GABRG3: variants seen among roughly 807,000 people sequenced by gnomAD.
GABRG3 encodes the protein gamma-aminobutyric acid type A receptor subunit gamma3.
A neutral mutation model predicts 48.8 loss-of-function variants in GABRG3; 25 were observed. That is an observed-to-expected ratio of 0.51 (90% CI 0.37 to 0.72). The LOEUF is 0.72. GABRG3 is among the 30% of genes least tolerant of loss of function. The probability of loss-of-function intolerance (pLI) is 0.00; values close to 1 mark genes in which losing one functional copy is unlikely to be tolerated. For synonymous variants in GABRG3, 227 were observed against 217.6 expected, an observed-to-expected ratio of 1.04 and a Z score of -0.38; for missense variants, 394 against 577.9, an observed-to-expected ratio of 0.68 and a Z score of 3.26.
intron 3 of GABRG3, among the ~76,000 whole-genome samples, chr15:27,234,363 G>C (rs1158486429): frequency 1.3e-5 from 2 of 152,146 alleles, no homozygotes; most frequent in Non-Finnish European, 2.9e-5. Context: ...CTGTGTGTTT[G>C]ACTGGTGATC....
At position 27,389,482 on chromosome 15, in the gene GABRG3, G is replaced by A. The variant is rs534317917; in HGVS notation, c.574+60594G>A. The stretch of plus-strand genomic sequence containing the variant: ...TACCAGCGCCACCACTGTTATCTGC[G>A]GTGAAATGGGTTATTTTGATAAATA... On this transcript the variant is annotated intron_variant, in intron 5 of 9. Transcript: ENST00000615808. 7.9e-5 allele frequency among the ~76,000 whole-genome samples: 12 copies of A among 152,230 alleles called. No individual in the cohort carries two copies. The East Asian group carries it at 9.7e-4, about 12-fold the overall frequency.
At chr15:27,123,704 T>G (rs902131059) in intron 3 of GABRG3, among the ~76,000 whole-genome samples, 1 of 151,486 alleles carries the variant, frequency 6.6e-6, no homozygotes, top group Non-Finnish European at 1.5e-5. Flanking sequence ...ACAGTGGGAG[T>G]GATAAAAATG....
chr15:27,007,673 T>C (rs1409754891), intron 2 of GABRG3, among the ~76,000 whole-genome samples: 2 of 152,184 alleles, frequency 1.3e-5, no homozygotes, highest in Non-Finnish European at 2.9e-5. Context: ...ACCAGTGATG[T>C]TGAGCATTTT....
chr15:26,989,165 A>G (rs181036159), intron 2 of GABRG3, among the ~76,000 whole-genome samples: 12 of 152,296 alleles, frequency 7.9e-5, no homozygotes, highest in African/African-American at 2.6e-4. Context: ...TATAAATGGA[A>G]CCGTTAGAAT....
intron 5 of GABRG3, chr15:27,350,228 T>A (rs764966594): frequency 2.2e-5 from 10 of 455,104 alleles, no homozygotes; most frequent in Non-Finnish European, 4.4e-5. Context: ...GAGACTCGCT[T>A]CCATTCGTGG....
At position 27,180,159 on chromosome 15, in the gene GABRG3, T is replaced by C. The variant is rs1351650761; in HGVS notation, c.271-146650T>C. On this transcript the variant is annotated intron_variant, in intron 3 of 9. Coordinates refer to ENST00000615808, the MANE Select transcript of GABRG3 (RefSeq NM_033223.5). The surrounding 1 kb of genome is among the most constrained non-coding windows in gnomAD (Gnocchi z 4.2). The stretch of plus-strand genomic sequence containing the variant: ...AAAGAAGTTGTCCAGGCCCGGGGGG[T>C]GAGATACATAAATTGAGCCTGCCCA... 6.6e-6 allele frequency among the ~76,000 whole-genome samples: 1 copy of C among 151,392 alleles called. No individual in the cohort carries two copies. Among genetic ancestry groups the C allele is most frequent in the Admixed American group, 6.6e-5 (1 of 15,180 alleles).
chr15:27,114,798 ATTCT>A (rs888844001), intron 3 of GABRG3, among the ~76,000 whole-genome samples: 38 of 151,570 alleles, frequency 2.5e-4, no homozygotes, highest in Non-Finnish European at 3.2e-4. Context: ...AGGAGTTATC[ATTCT>A]TTTTTTTTTT....
intron 6 of GABRG3, chr15:27,483,142 A>G (rs1281216908): frequency 6.6e-6 from 1 of 152,240 alleles, no homozygotes; most frequent in Non-Finnish European, 1.5e-5. Flanking sequence ...GTGTGGCTCA[A>G]ACAACAGAAA....
chr15:27,322,309 C>A (rs563654697), intron 3 of GABRG3, among the ~76,000 whole-genome samples: 1 of 152,278 alleles, frequency 6.6e-6, no homozygotes, highest in South Asian at 2.1e-4. Flanking sequence ...ACCCGGAACA[C>A]TGTAGGACGC....
chr15:26,987,206 C>T (rs1197779001), intron 2 of GABRG3, among the ~76,000 whole-genome samples: 2 of 151,526 alleles, frequency 1.3e-5, no homozygotes, highest in African/African-American at 4.9e-5. Context: ...TGCAGTGAGC[C>T]GAGATCACAC....
At chr15:27,132,585 T>G (rs208178) in intron 3 of GABRG3, among the ~76,000 whole-genome samples, 89,631 of 148,586 alleles carry the variant, frequency 0.6, 28,801 homozygotes, top group Middle Eastern at 0.73. Context: ...GGTTTTCTAT[T>G]TATTGGTGTG....
intron 3 of GABRG3, among the ~76,000 whole-genome samples, chr15:27,095,393 A>G (rs1401912502): frequency 2.0e-5 from 3 of 152,272 alleles, no homozygotes; most frequent in Admixed American, 6.5e-5. Context: ...GACACACCCC[A>G]TATACTTTCT....
At chr15:27,369,977 T>C (rs1267412969) in intron 5 of GABRG3, among the ~76,000 whole-genome samples, 1 of 152,132 alleles carries the variant, frequency 6.6e-6, no homozygotes, top group African/African-American at 2.4e-5. Context: ...GGCCATCAGT[T>C]CCAACGTGGA....
At chr15:27,061,447 T>C (rs1896643641) in intron 3 of GABRG3, among the ~76,000 whole-genome samples, 1 of 45,084 alleles carries the variant, frequency 2.2e-5, no homozygotes, top group South Asian at 6.6e-4. Context: ...GTAACTGCTC[T>C]TTTTTTTTTT....
chr15:27,495,086 A>C (rs1890450718), intron 6 of GABRG3, among the ~76,000 whole-genome samples: 1 of 152,082 alleles, frequency 6.6e-6, no homozygotes, highest in Non-Finnish European at 1.5e-5. Flanking sequence ...TAGAAGCCAC[A>C]TCTCATTTTA....
In GABRG3 at chr15:27,212,794, G is replaced by A. The variant is rs555322037; in HGVS notation, c.271-114015G>A. On this transcript the variant is annotated intron_variant, in intron 3 of 9. Coordinates refer to ENST00000615808, the MANE Select transcript of GABRG3 (RefSeq NM_033223.5). ...GTCTCTATGACTTTGATCATTCTGG[G>A]GTCATTCTAGGGATCTCATACCAGT... Among the ~76,000 whole-genome samples, 108 of 152,012 alleles carry A rather than the reference G, an allele frequency of 7.1e-4. 2 individuals are homozygous for A. The highest frequency in any genetic ancestry group is 1.1e-3 in the Non-Finnish European group (75 of 68,020).
chr15:27,189,600 G>T (rs1280859928), intron 3 of GABRG3, among the ~76,000 whole-genome samples: 1 of 152,168 alleles, frequency 6.6e-6, no homozygotes, highest in Non-Finnish European at 1.5e-5. Flanking sequence ...CTTTGCTGAA[G>T]TTGCTTATCA....
intron 3 of GABRG3, among the ~76,000 whole-genome samples, chr15:27,239,965 C>A (rs1890086336): frequency 6.6e-6 from 1 of 152,138 alleles, no homozygotes; most frequent in Non-Finnish European, 1.5e-5. Flanking sequence ...TATTATAATA[C>A]TAGTAATGAT....
intron 3 of GABRG3, among the ~76,000 whole-genome samples, chr15:27,301,995 T>A (rs1892225556): frequency 6.6e-6 from 1 of 151,976 alleles, no homozygotes; most frequent in African/African-American, 2.4e-5. Flanking sequence ...AAAGGCACTC[T>A]CAGATGAAGG....
Sources: allele counts gnomAD v4.1 joint callset (sites outside exome capture counted in the v4.1 genomes callset), GRCh38; gene constraint gnomAD v4.1.1; non-coding constraint Gnocchi (gnomAD v3.1); transcripts MANE v1.5; gene names NCBI Gene and HGNC (gene_info 2026-07-23, HGNC 2026-07-21).